Variants in FBXL5 observed in about 807,000 individuals in gnomAD.
FBXL5 encodes F-box and leucine rich repeat protein 5.
FBXL5 carries 26 observed loss-of-function variants against 78.3 expected under a neutral mutation model. That is an observed-to-expected ratio of 0.33 (90% CI 0.24 to 0.46). The LOEUF (loss-of-function observed/expected upper bound fraction) is 0.46. FBXL5 is among the 20% of genes least tolerant of loss of function. The probability of loss-of-function intolerance (pLI) is 1.00; values close to 1 mark genes in which losing one functional copy is unlikely to be tolerated. For synonymous variants in FBXL5, 295 were observed against 282.5 expected (o/e 1.04, Z -0.45); for missense variants, 710 against 829.2 (o/e 0.86, Z 1.77).
chr4:15,615,127 C>T (rs1376128349), intron 9 of FBXL5, among the ~76,000 whole-genome samples: 1 of 152,188 alleles, frequency 6.6e-6, no homozygotes, highest in Non-Finnish European at 1.5e-5. Flanking sequence ...CTCGATTTCT[C>T]ACCGAGCCTT....
intron 2 of FBXL5, chr4:15,641,557 T>C (rs962449436): frequency 4.4e-6 from 2 of 454,030 alleles, no homozygotes; most frequent in Non-Finnish European, 8.9e-6. Flanking sequence ...ATATTTTACA[T>C]ATAATACATG....
intron 2 of FBXL5, among the ~76,000 whole-genome samples, chr4:15,642,604 C>T (rs1715008678): frequency 6.6e-6 from 1 of 152,142 alleles, no homozygotes; most frequent in Admixed American, 6.5e-5. Context: ...TTTTCCAGAA[C>T]TAATTTATTC....
chr4:15,618,322 A>G (rs1386384158), intron 9 of FBXL5, among the ~76,000 whole-genome samples: 2 of 152,182 alleles, frequency 1.3e-5, no homozygotes, highest in Non-Finnish European at 2.9e-5. Flanking sequence ...GCTTATACCT[A>G]GGAGTCTGAA....
chr4:15,655,413 C>G (rs184805452), upstream of FBXL5: 5 of 1,004,932 alleles, frequency 5.0e-6, no homozygotes, highest in South Asian at 1.9e-4. Flanking sequence ...CGCGCCCGGT[C>G]GGCTTGGCCG....
chr4:15,643,419 TATGTAA>T (rs1468599635), intron 2 of FBXL5, among the ~76,000 whole-genome samples: 1 of 152,222 alleles, frequency 6.6e-6, no homozygotes, highest in Non-Finnish European at 1.5e-5. Flanking sequence ...AATCCTATAA[TATGTAA>T]ATGTAATTAA....
At chr4:15,617,915 G>A (rs981943825) in intron 9 of FBXL5, among the ~76,000 whole-genome samples, 2 of 152,040 alleles carry the variant, frequency 1.3e-5, no homozygotes, top group African/African-American at 2.4e-5. Flanking sequence ...CATGGCACAC[G>A]TTTACCTACG....
chr4:15,647,659 G>A (rs941407864), intron 1 of FBXL5, among the ~76,000 whole-genome samples: 1 of 152,110 alleles, frequency 6.6e-6, no homozygotes, highest in Non-Finnish European at 1.5e-5. Flanking sequence ...ATTAACTATA[G>A]TAACTATATA....
intron 7 of FBXL5, 99 bp downstream of exon 7, chr4:15,627,786 T>C (rs62290588): frequency 0.085 from 96,343 of 1,128,914 alleles, 4,663 homozygotes; most frequent in Middle Eastern, 0.11. Context: ...ATAATCATTT[T>C]TGGGTTTGTT....
At chr4:15,655,410 G>A, upstream of FBXL5, 21 of 1,006,988 alleles carry the variant, frequency 2.1e-5, no homozygotes, top group Non-Finnish European at 2.5e-5. Context: ...GCGCGCGCCC[G>A]GTCGGCTTGG....
chr4:15,607,033 G>T lies in FBXL5; in HGVS notation c.2000-1234C>A, dbSNP rs764278356. Among the ~76,000 whole-genome samples, 306 of 151,882 alleles carry T rather than the reference G, an allele frequency of 2.0e-3. 5 individuals are homozygous for T. Among genetic ancestry groups the T allele is most frequent in the Non-Finnish European group, 1.5e-3 (99 of 67,968 alleles). ...CAAATGGCACATACAAAATACAAAGGGCAAATTTCTTAAGACATACAGTCT... is the reference window on the plus strand; with the variant it reads ...CAAATGGCACATACAAAATACAAAGTGCAAATTTCTTAAGACATACAGTCT... On this transcript the variant is annotated intron_variant, in intron 10 of 10. Coordinates refer to ENST00000341285, the MANE Select transcript of FBXL5 (RefSeq NM_012161.4).
At chr4:15,678,031 T>G (rs1718059724) in intron 1 of FBXL5, among the ~76,000 whole-genome samples, 1 of 152,214 alleles carries the variant, frequency 6.6e-6, no homozygotes, top group Admixed American at 6.5e-5. Flanking sequence ...GCTATTGGAA[T>G]GATGTATCAT....
Position 15,653,898 on chromosome 4 carries a change from A to T in FBXL5, c.84+1306T>A, listed in dbSNP as rs1358762733. The stretch of plus-strand genomic sequence containing the variant: ...AAATCCTAATTTTAGTGACCTAGAC[A>T]TCAGGACTTCTAATAGTTTTTAGTT... On this transcript the variant is annotated intron_variant, in intron 1 of 10. Coordinates refer to ENST00000341285, the MANE Select transcript of FBXL5 (RefSeq NM_012161.4). 2.6e-5 allele frequency among the ~76,000 whole-genome samples: 4 copies of T among 152,246 alleles called. No homozygotes were observed. The East Asian group carries it at 7.7e-4, about 29-fold the overall frequency.
intron 1 of FBXL5, among the ~76,000 whole-genome samples, chr4:15,654,160 G>A (rs1457176965): frequency 6.6e-6 from 1 of 152,168 alleles, no homozygotes; most frequent in Non-Finnish European, 1.5e-5. Context: ...CCTCTTTTCT[G>A]TAGACAATGG....
Position 15,655,337 on chromosome 4 carries a change from T to C in FBXL5, c.-50A>G, listed in dbSNP as rs1372023385. On this transcript the variant is annotated 5_prime_UTR_variant, in exon 1 of 11. An upstream start codon of the reference 5' UTR is lost. Transcript: ENST00000341285. ...AGCAGCCGCGGCCGCCGCCTCTCCA[T>C]AGACACCCTCGCCGCGGGGCAGAGG... 24 of 1,308,834 alleles carry C rather than the reference T, an allele frequency of 1.8e-5. No individual in the cohort carries two copies. Among genetic ancestry groups the C allele is most frequent in the Non-Finnish European group, 1.9e-5 (19 of 998,004 alleles). The allele number at this position is 1,308,834 out of a possible 1,614,324, so 81.1% of individuals were successfully genotyped here. A position where few individuals can be genotyped will look rare whatever the true frequency, so the allele number is the denominator to read the frequency against.
At chr4:15,638,444 C>A in intron 4 of FBXL5, 64 bp downstream of exon 4, 1 of 1,237,258 alleles carries the variant, frequency 8.1e-7, no homozygotes, top group Middle Eastern at 2.0e-4. Context: ...ATCTACAGTT[C>A]ATATCAGTAA....
chr4:15,622,539 C>A (rs1180333983), intron 9 of FBXL5, among the ~76,000 whole-genome samples: 3 of 152,166 alleles, frequency 2.0e-5, no homozygotes, highest in African/African-American at 7.2e-5. Flanking sequence ...AAGTGGCATT[C>A]TCTGTATTCT....
chr4:15,657,705 G>A (rs553098826), upstream of FBXL5, among the ~76,000 whole-genome samples: 10 of 152,312 alleles, frequency 6.6e-5, no homozygotes, highest in South Asian at 1.7e-3. Context: ...AGCTCCATAT[G>A]CTGAATTATG....
chr4:15,631,500 T>C (rs1416594480), intron 5 of FBXL5, among the ~76,000 whole-genome samples: 8 of 152,352 alleles, frequency 5.3e-5, no homozygotes, highest in Non-Finnish European at 7.3e-5. Context: ...CACACTGTCT[T>C]CCACAATGGC....
chr4:15,646,652 C>T (rs536751526), intron 1 of FBXL5, among the ~76,000 whole-genome samples: 3 of 151,174 alleles, frequency 2.0e-5, no homozygotes, highest in Non-Finnish European at 2.9e-5. Flanking sequence ...CCCATTAACC[C>T]GTCATCTAAC....
Sources: gnomAD v4.1 joint callset for allele counts (sites outside exome capture counted in the v4.1 genomes callset) on GRCh38, gnomAD v4.1.1 for gene constraint, MANE v1.5 for transcripts, NCBI Gene and HGNC (gene_info 2026-07-23, HGNC 2026-07-21) for gene names.